Variants in COLEC11 observed in about 807,000 individuals in gnomAD.
COLEC11 encodes the protein collectin-11.
In COLEC11, 20 loss-of-function variants were observed where a neutral mutation model predicts 27.3. The observed-to-expected ratio is 0.73, with a 90% CI of 0.51 to 1.06. The LOEUF is 1.06. COLEC11 is among the 50% of genes least tolerant of loss of function. The pLI, the probability that COLEC11 is intolerant of heterozygous loss-of-function variation, is 0.00. For missense variants in COLEC11, 310 were observed against 383.0 expected, an observed-to-expected ratio of 0.81 and a Z score of 1.59; for synonymous variants, 163 against 154.7, an observed-to-expected ratio of 1.05 and a Z score of -0.40.
rs545670552 is a variant in COLEC11, at chr2:3,625,900, C to T, written c.203-11633C>T. 3.9e-4 allele frequency: 387 copies of T among 989,036 alleles called. 4 individuals are homozygous for T. The African/African-American group carries it at 4.2e-3, about 11-fold the overall frequency. 61.3% of individuals were successfully genotyped at this position (989,036 alleles called of 1,614,324 possible). A position where few individuals can be genotyped will look rare whatever the true frequency, so the allele number is the denominator to read the frequency against. On this transcript the variant is annotated intron_variant, in intron 3 of 6. Transcript: ENST00000349077. ...CGCCTACCTTGGCCTCCCAAAGTGC[C>T]GGGATTATAGGCATGAGCCGCCATA... is the stretch of plus-strand genomic sequence containing the variant.
At chr2:3,604,875 C>T (rs916342986) in intron 2 of COLEC11, 1 of 375,574 alleles carries the variant, frequency 2.7e-6, no homozygotes, top group African/African-American at 2.1e-5. Flanking sequence ...TGTGCTTCTA[C>T]ATTGCTTCCT....
intron 2 of COLEC11, among the ~76,000 whole-genome samples, chr2:3,611,995 A>G (rs531364688): frequency 1.3e-4 from 18 of 142,738 alleles, no homozygotes; most frequent in African/African-American, 4.3e-4. Context: ...CTCTATATAT[A>G]GGGTTGTTTT....
intron 3 of COLEC11, among the ~76,000 whole-genome samples, chr2:3,625,555 G>A (rs1664485942): frequency 6.6e-6 from 1 of 151,824 alleles, no homozygotes; most frequent in South Asian, 2.1e-4. Flanking sequence ...GGGGCGTTTA[G>A]CACTCAGGGG....
At chr2:3,616,716 C>T (rs1020941342) in intron 3 of COLEC11, among the ~76,000 whole-genome samples, 5 of 152,094 alleles carry the variant, frequency 3.3e-5, no homozygotes, top group Admixed American at 1.3e-4. Flanking sequence ...GCAGTACAGT[C>T]CAGCTTCGGC....
intron 1 of COLEC11, chr2:3,604,021 CAGA>C: frequency 1.8e-6 from 1 of 571,168 alleles, no homozygotes. Flanking sequence ...TCGTTTGTCC[CAGA>C]GATCAGATCG....
chr2:3,605,650 C>G, intron 2 of COLEC11: 1 of 195,800 alleles, frequency 5.1e-6, no homozygotes, highest in South Asian at 8.1e-5. Context: ...CCGGTCCGCC[C>G]CCTCCTCATC....
At chr2:3,635,852 G>T (rs1354518702) in intron 3 of COLEC11, among the ~76,000 whole-genome samples, 7 of 152,256 alleles carry the variant, frequency 4.6e-5, no homozygotes, top group African/African-American at 1.7e-4. Context: ...CTGTTGTCCT[G>T]GCTCTGCCAT....
chr2:3,625,339 G>A (rs1035744739), intron 3 of COLEC11, among the ~76,000 whole-genome samples: 1 of 152,178 alleles, frequency 6.6e-6, no homozygotes, highest in African/African-American at 2.4e-5. Flanking sequence ...GCCTGAGGCA[G>A]GATGTGCAGG....
intron 2 of COLEC11, among the ~76,000 whole-genome samples, 157 bp from the exon 3 acceptor site, chr2:3,613,154 G>T (rs547659610): frequency 4.1e-5 from 6 of 146,176 alleles, no homozygotes; most frequent in East Asian, 3.9e-4. Flanking sequence ...CCAGAGTAGC[G>T]GCTGGGCTGC....
At chr2:3,611,768 A>G (rs1663213031) in intron 2 of COLEC11, among the ~76,000 whole-genome samples, 1 of 151,998 alleles carries the variant, frequency 6.6e-6, no homozygotes, top group African/African-American at 2.4e-5. Context: ...ACTTGGATTT[A>G]AATGGAAAGT....
At chr2:3,637,423 G>A (rs1665504773) in intron 3 of COLEC11, 110 bp from the exon 4 acceptor site, 2 of 795,464 alleles carry the variant, frequency 2.5e-6, no homozygotes, top group East Asian at 2.5e-5. Context: ...TCTTCTATGT[G>A]CCTGTGATGT....
chr2:3,595,778 T>A (rs933631665), intron 1 of COLEC11, among the ~76,000 whole-genome samples: 2 of 152,198 alleles, frequency 1.3e-5, no homozygotes, highest in Non-Finnish European at 2.9e-5. Context: ...GGCCGCTGCC[T>A]CCTACCTGGA....
At chr2:3,620,726 A>G (rs1664126141) in intron 3 of COLEC11, among the ~76,000 whole-genome samples, 1 of 152,068 alleles carries the variant, frequency 6.6e-6, no homozygotes, top group Admixed American at 6.5e-5. Context: ...GTAGCCCATA[A>G]GTTTTTGTAT....
intron 2 of COLEC11, 133 bp downstream of exon 2, chr2:3,604,603 T>G: frequency 1.0e-6 from 1 of 984,770 alleles, no homozygotes; most frequent in Non-Finnish European, 1.6e-6. Flanking sequence ...GGTCTCAGTT[T>G]CCCCATCTGG....
intron 1 of COLEC11, among the ~76,000 whole-genome samples, chr2:3,598,712 C>T (rs1662026700): frequency 6.6e-6 from 1 of 150,496 alleles, no homozygotes. Flanking sequence ...GGAGGCGGAC[C>T]GTGGGTGAGG....
At chr2:3,598,633 A>G (rs1377767645) in intron 1 of COLEC11, among the ~76,000 whole-genome samples, 1 of 151,836 alleles carries the variant, frequency 6.6e-6, no homozygotes. Flanking sequence ...TATTGTTCTA[A>G]TATCCGCGTG....
At chr2:3,641,313 G>A (rs1665847237) in intron 5 of COLEC11, 11 of 1,303,650 alleles carry the variant, frequency 8.4e-6, no homozygotes, top group Non-Finnish European at 1.1e-5. Flanking sequence ...TTGGCTGAGT[G>A]TGAGTGCGCT....
chr2:3,612,840 C>G (rs1663324696), intron 2 of COLEC11, among the ~76,000 whole-genome samples: 1 of 152,142 alleles, frequency 6.6e-6, no homozygotes, highest in Admixed American at 6.5e-5. Flanking sequence ...AGCCTGTGCC[C>G]TGGGGGGCTC....
In COLEC11 at chr2:3,644,028, C is replaced by G; in HGVS notation, c.726C>G (p.Cys242Trp). ...EPNNAYDEED[C>W]VEMVASGGWN... ...ACAATGCCTACGACGAGGAGGACTG[C>G]GTGGAGATGGTGGCCTCGGGCGGCT... Residue 242 changes from cysteine to tryptophan, a missense_variant, in exon 7 of 7, where the codon TGC becomes TGG. Cys to Trp is a radical substitution (Grantham distance 215, BLOSUM62 -2). Transcript: ENST00000349077. 6.2e-7 allele frequency: 1 copy of G among 1,613,912 alleles called. No individual in the cohort carries two copies. Among genetic ancestry groups the G allele is most frequent in the South Asian group, 1.1e-5 (1 of 91,090 alleles).
Sources: allele counts gnomAD v4.1 joint callset (sites outside exome capture counted in the v4.1 genomes callset), GRCh38; gene constraint gnomAD v4.1.1; transcripts MANE v1.5; gene names NCBI Gene and HGNC (gene_info 2026-07-23, HGNC 2026-07-21).